TUBGCP3: variants seen among roughly 807,000 people sequenced by gnomAD.
The protein encoded by TUBGCP3 is gamma-tubulin complex component 3.
Under a neutral mutation model 123.1 loss-of-function variants are expected in TUBGCP3, and 50 were observed. That is an observed-to-expected ratio of 0.41 (90% CI 0.32 to 0.51). TUBGCP3 has a LOEUF of 0.51. Ranked by LOEUF, TUBGCP3 falls within the 20% of genes least tolerant of loss-of-function variation. The pLI is 0.36. For missense variants in TUBGCP3, 882 were observed against 1,127.0 expected (o/e 0.78, Z 3.11); for synonymous variants, 405 against 413.9 (o/e 0.98, Z 0.26).
intron 2 of TUBGCP3, 73 bp from the exon 3 acceptor site, chr13:112,565,251 T>C: frequency 2.3e-6 from 3 of 1,286,726 alleles, no homozygotes; most frequent in East Asian, 2.3e-5. Flanking sequence ...CTATTTCACC[T>C]ACAACACCAT....
chr13:112,548,636 C>T (rs1055679062), intron 8 of TUBGCP3, among the ~76,000 whole-genome samples: 2 of 152,096 alleles, frequency 1.3e-5, no homozygotes, highest in Non-Finnish European at 2.9e-5. Flanking sequence ...AACAAATTTA[C>T]AAGAAAAAAT....
chr13:112,576,234 A>G (rs2139303353), intron 1 of TUBGCP3, among the ~76,000 whole-genome samples: 1 of 152,084 alleles, frequency 6.6e-6, no homozygotes, highest in East Asian at 1.9e-4. Context: ...CTCAAATTGG[A>G]AAAACTGCTA....
intron 1 of TUBGCP3, among the ~76,000 whole-genome samples, chr13:112,577,707 T>C (rs545460391): frequency 8.5e-5 from 13 of 152,226 alleles, no homozygotes; most frequent in Non-Finnish European, 1.0e-4. Flanking sequence ...ACAGGAACTC[T>C]ATATTTGCAA....
intron 17 of TUBGCP3, among the ~76,000 whole-genome samples, chr13:112,512,554 TGAAACCCCAC>T (rs1881744035): frequency 6.6e-6 from 1 of 150,922 alleles, no homozygotes; most frequent in Non-Finnish European, 1.5e-5. Flanking sequence ...GCCAACATGG[TGAAACCCCAC>T]CTCTACTAAA....
At chr13:112,559,587 T>G (rs1419483397) in intron 3 of TUBGCP3, among the ~76,000 whole-genome samples, 188 bp from the exon 4 acceptor site, 2 of 152,208 alleles carry the variant, frequency 1.3e-5, no homozygotes, top group Admixed American at 6.5e-5. Flanking sequence ...AATGTCCTCA[T>G]GCAACCAACA....
chr13:112,597,476 A>C, the TUBGCP3 span, among the ~76,000 whole-genome samples: 1 of 152,236 alleles, frequency 6.6e-6, no homozygotes, highest in Non-Finnish European at 1.5e-5. Flanking sequence ...TCAGGTGAGG[A>C]GACAACGAGT....
At chr13:112,547,393 C>T (rs907659275) in intron 10 of TUBGCP3, 19 of 652,452 alleles carry the variant, frequency 2.9e-5, no homozygotes, top group Non-Finnish European at 4.2e-5. Flanking sequence ...TCCCATCTGT[C>T]GATTCCTATC....
intron 20 of TUBGCP3, among the ~76,000 whole-genome samples, chr13:112,492,816 T>C (rs1316322250): frequency 6.7e-6 from 1 of 148,350 alleles, no homozygotes; most frequent in Admixed American, 6.7e-5. Flanking sequence ...CCTGAGACGC[T>C]CTGGCTATGG....
chr13:112,525,996 T>C (rs1231147223), intron 13 of TUBGCP3, among the ~76,000 whole-genome samples: 1 of 152,182 alleles, frequency 6.6e-6, no homozygotes, highest in Non-Finnish European at 1.5e-5. Context: ...CTATAAATCC[T>C]ATGGTACAAA....
In TUBGCP3 at chr13:112,526,380, CATT is replaced by C. The variant is rs567977692; in HGVS notation, c.1555+559_1555+561del. On this transcript the variant is annotated intron_variant, in intron 13 of 21. Transcript: ENST00000261965. ...ATCACTATCATCACACCATCACCATCATTACCACCATCATCACCATCAACATCA... is the reference window on the plus strand; with the variant it reads ...ATCACTATCATCACACCATCACCATCACCACCATCATCACCATCAACATCA... Among the ~76,000 whole-genome samples the C allele has an allele frequency of 1.7e-3, 256 of 151,218 alleles. 1 individual carries two copies. The highest frequency in any genetic ancestry group is 5.6e-3 in the African/African-American group (229 of 41,078).
chr13:112,491,563 G>A (rs1030545545), intron 20 of TUBGCP3, among the ~76,000 whole-genome samples: 4 of 152,174 alleles, frequency 2.6e-5, no homozygotes, highest in African/African-American at 7.2e-5. Flanking sequence ...TGCTTTATAT[G>A]CTTTGTTCGT....
chr13:112,548,019 T>C (rs1879212761), intron 9 of TUBGCP3, 89 bp downstream of exon 9: 6 of 1,009,780 alleles, frequency 5.9e-6, no homozygotes, highest in Non-Finnish European at 8.5e-6. Context: ...TTAAAAGTAA[T>C]GTATGAAGGA....
chr13:112,582,913 G>A (rs890764880), intron 1 of TUBGCP3, among the ~76,000 whole-genome samples: 7 of 152,144 alleles, frequency 4.6e-5, no homozygotes, highest in African/African-American at 9.7e-5. Context: ...ACACAAGAGC[G>A]GATAGAGGTG....
chr13:112,597,640 T>G, the TUBGCP3 span, among the ~76,000 whole-genome samples: 2 of 151,798 alleles, frequency 1.3e-5, no homozygotes, highest in African/African-American at 4.8e-5. Context: ...AAAAAGCCAG[T>G]AGGAACTCTA....
At chr13:112,572,309 C>A (rs113099422) in intron 1 of TUBGCP3, among the ~76,000 whole-genome samples, 3,787 of 152,226 alleles carry the variant, frequency 0.025, 75 homozygotes, top group Middle Eastern at 0.054. Context: ...ATGTGCAGAA[C>A]GTGCAGGTTT....
rs570559669 is a variant in TUBGCP3 at position 112,487,328 on chromosome 13, A to C, written c.2566-1177T>G. ...TGCCGTCGCTGGCACCGCCACAGAG[A>C]GCAGAGACGGATTTCTGCTGTTACA... On this transcript the variant is annotated intron_variant, in intron 21 of 21. Transcript: ENST00000261965. Among the ~76,000 whole-genome samples, 3 of 152,294 alleles carry C rather than the reference A, an allele frequency of 2.0e-5. No individual in the cohort carries two copies. In the South Asian group the frequency reaches 6.2e-4, roughly 32 times the overall value.
intron 1 of TUBGCP3, among the ~76,000 whole-genome samples, chr13:112,578,558 CAAAA>C (rs71131496): frequency 4.6e-3 from 114 of 24,880 alleles, no homozygotes; most frequent in African/African-American, 0.012. Context: ...GACTCCGTCT[CAAAA>C]AAAAAAAAAA....
rs1419027227 is a variant in TUBGCP3, at chr13:112,545,566, T to C, written c.1335+133A>G. The C allele has an allele frequency of 2.0e-6, 2 of 988,864 alleles. No individual in the cohort carries two copies. Among genetic ancestry groups the C allele is most frequent in the Admixed American group, 2.0e-5 (1 of 48,946 alleles). 61.3% of individuals were successfully genotyped at this position (988,864 alleles called of 1,614,324 possible). On this transcript the variant is annotated intron_variant, in intron 11 of 21. Coordinates refer to ENST00000261965, the MANE Select transcript of TUBGCP3 (RefSeq NM_006322.6). The surrounding 1 kb of genome is among the most constrained non-coding windows in gnomAD (Gnocchi z 4.1). ...CTGTCGAGGCACTGTGTAAAATGTATATGGTATTCAATGGAAGTGCAGTTG... is the reference window on the plus strand; with the variant it reads ...CTGTCGAGGCACTGTGTAAAATGTACATGGTATTCAATGGAAGTGCAGTTG...
chr13:112,544,862 A>G (rs1878854283), intron 11 of TUBGCP3: 1 of 152,248 alleles, frequency 6.6e-6, no homozygotes, highest in Non-Finnish European at 1.5e-5. Flanking sequence ...AATAAATTAG[A>G]AAACAAATTG....
Sources: gnomAD v4.1 joint callset for allele counts (sites outside exome capture counted in the v4.1 genomes callset) on GRCh38, gnomAD v4.1.1 for gene constraint, Gnocchi (gnomAD v3.1) non-coding constraint, MANE v1.5 for transcripts, NCBI Gene and HGNC (gene_info 2026-07-23, HGNC 2026-07-21) for gene names.